The following MRPL50 variants were observed in gnomAD, a reference collection of about 807,000 sequenced individuals.
MRPL50 encodes mitochondrial ribosomal protein L50.
MRPL50 carries 10 observed loss-of-function variants against 16.2 expected under a neutral mutation model. The observed-to-expected ratio is 0.62, with a 90% CI of 0.38 to 1.05. The LOEUF (loss-of-function observed/expected upper bound fraction) is 1.05, where lower values mean the gene tolerates loss of function less well. Among genes scored for constraint, MRPL50 ranks in the 50% least tolerant of loss-of-function variants. The pLI, the probability that MRPL50 is intolerant of heterozygous loss-of-function variation, is 0.01. For missense variants in MRPL50, 213 were observed against 187.1 expected, an observed-to-expected ratio of 1.14 and a Z score of -0.81; for synonymous variants, 68 against 66.8, an observed-to-expected ratio of 1.02 and a Z score of -0.09.
chr9:101,390,297 T>A lies in MRPL50; in HGVS notation c.*169A>T. 7.6e-7 allele frequency: 1 copy of A among 1,322,130 alleles called. No individual in the cohort carries two copies. The highest frequency in any genetic ancestry group is 9.6e-7 in the Non-Finnish European group (1 of 1,036,364). The allele number at this position is 1,322,130 out of a possible 1,614,324, so 81.9% of individuals were successfully genotyped here. A position where few individuals can be genotyped will look rare whatever the true frequency, so the allele number is the denominator to read the frequency against. ...ATGAAAATAGAAAGTCCGTTATTTG[T>A]CCATTTGTAATATGAGAAAAAAAAA... is the stretch of plus-strand genomic sequence containing the variant. On this transcript the variant is annotated 3_prime_UTR_variant, in exon 2 of 2. Coordinates refer to ENST00000374865, the MANE Select transcript of MRPL50 (RefSeq NM_019051.3).
At chr9:101,393,344 T>A (rs1830298272) in intron 1 of MRPL50, among the ~76,000 whole-genome samples, 1 of 152,098 alleles carries the variant, frequency 6.6e-6, no homozygotes, top group Non-Finnish European at 1.5e-5. Context: ...TCACTTGTAT[T>A]CAACACAGAA....
At chr9:101,390,979 G>T in intron 1 of MRPL50, 129 bp from the exon 2 acceptor site, 1 of 1,005,468 alleles carries the variant, frequency 9.9e-7, no homozygotes, top group Non-Finnish European at 1.5e-6. Context: ...GAGTAGGAAA[G>T]AATATGGTAG....
intron 1 of MRPL50, among the ~76,000 whole-genome samples, chr9:101,392,725 T>TA (rs1406942545): frequency 6.6e-6 from 1 of 152,052 alleles, no homozygotes; most frequent in Non-Finnish European, 1.5e-5. Flanking sequence ...TGCCAATCAA[T>TA]ACGAATTCTA....
rs763223183 is a variant in MRPL50 at position 101,398,611 on chromosome 9, G to C, written c.-19C>G. On this transcript the variant is annotated 5_prime_UTR_variant, in exon 1 of 2. Coordinates refer to ENST00000374865, the MANE Select transcript of MRPL50 (RefSeq NM_019051.3). The stretch of plus-strand genomic sequence containing the variant: ...CCGCCATCTTCGATGAGATCCACGG[G>C]CCTGAGCGCAGCCTTCAGCCAGCAG... The C allele has an allele frequency of 6.2e-7, 1 of 1,611,618 alleles. No individual in the cohort carries two copies. Among genetic ancestry groups the C allele is most frequent in the South Asian group, 1.1e-5 (1 of 91,028 alleles).
chr9:101,397,398 A>T (rs902978885), intron 1 of MRPL50, among the ~76,000 whole-genome samples: 45 of 152,284 alleles, frequency 3.0e-4, no homozygotes, highest in African/African-American at 1.1e-3. Context: ...TAAAATTTTT[A>T]AAATAGTAAA....
At chr9:101,394,332 T>C (rs889339465) in intron 1 of MRPL50, among the ~76,000 whole-genome samples, 2 of 152,176 alleles carry the variant, frequency 1.3e-5, no homozygotes, top group Admixed American at 6.5e-5. Context: ...TTGAGATATT[T>C]TGCAGACCCT....
Position 101,390,050 on chromosome 9 carries a change from T to C in MRPL50, c.*416A>G. On this transcript the variant is annotated 3_prime_UTR_variant, in exon 2 of 2. Transcript: ENST00000374865. ...ACAACATACTTTTATGTTTCTTTTA[T>C]AGGTATCTATCTAATAAAAGTTTAT... 1 of 953,252 alleles carries C rather than the reference T, an allele frequency of 1.0e-6. No individual in the cohort carries two copies. Among genetic ancestry groups the C allele is most frequent in the Non-Finnish European group, 1.3e-6 (1 of 799,152 alleles). 59.0% of individuals were successfully genotyped at this position (953,252 alleles called of 1,614,324 possible). A position where few individuals can be genotyped will look rare whatever the true frequency, so the allele number is the denominator to read the frequency against.
intron 1 of MRPL50, among the ~76,000 whole-genome samples, chr9:101,394,768 C>T (rs1265130102): frequency 1.3e-5 from 2 of 151,928 alleles, no homozygotes; most frequent in Non-Finnish European, 2.9e-5. Context: ...ACCTCAAAAG[C>T]ACAGGCAATA....
chr9:101,390,677 A>T lies in MRPL50; in HGVS notation c.266T>A (p.Ile89Asn), dbSNP rs141572487. Residue 89 changes from isoleucine to asparagine, a missense_variant, in exon 2 of 2, where the codon ATC (isoleucine) becomes AAC (asparagine). Coordinates refer to ENST00000374865, the MANE Select transcript of MRPL50 (RefSeq NM_019051.3). ...GSSLPSNWQD[I>N]SLEDSRLKFN... ...CTTTAGACGACTATCTTCCAGGGAG[A>T]TGTCTTGCCAATTACTAGGAAGAGA... 1 of 1,458,958 alleles carries T rather than the reference A, an allele frequency of 6.9e-7. No homozygotes were observed. Among genetic ancestry groups the T allele is most frequent in the African/African-American group, 1.4e-5 (1 of 69,230 alleles). The allele number at this position is 1,458,958 out of a possible 1,614,324, so 90.4% of individuals were successfully genotyped here.
chr9:101,393,268 T>A (rs11792975), intron 1 of MRPL50, among the ~76,000 whole-genome samples: 1 of 151,946 alleles, frequency 6.6e-6, no homozygotes, highest in South Asian at 2.1e-4. Flanking sequence ...GCTAGCATCA[T>A]TGAATGGGAA....
At chr9:101,398,197 C>T (rs1830390191) in intron 1 of MRPL50, among the ~76,000 whole-genome samples, 1 of 152,184 alleles carries the variant, frequency 6.6e-6, no homozygotes. Context: ...TGTTTGCAGA[C>T]AACACACTCG....
rs956072930 is a variant in MRPL50 at position 101,388,395 on chromosome 9, G to T, written c.*2071C>A. Reference sequence around the variant, plus strand: ...TTTCCATCTTGCCCTTTGTTTTTCCGTGTCTCTGGATCAGAAGGAAAAATT... The same window carrying T: ...TTTCCATCTTGCCCTTTGTTTTTCCTTGTCTCTGGATCAGAAGGAAAAATT... On this transcript the variant is annotated 3_prime_UTR_variant, in exon 2 of 2. Coordinates refer to ENST00000374865, the MANE Select transcript of MRPL50 (RefSeq NM_019051.3). 1 of 151,742 alleles carries T rather than the reference G, an allele frequency of 6.6e-6. No individual in the cohort carries two copies. Among genetic ancestry groups the T allele is most frequent in the East Asian group, 1.9e-4 (1 of 5,160 alleles). The allele number at this position is 151,742 out of a possible 1,614,324, so 9.4% of individuals were successfully genotyped here. A position where few individuals can be genotyped will look rare whatever the true frequency, so the allele number is the denominator to read the frequency against.
At position 101,390,679 on chromosome 9, in the gene MRPL50, G is replaced by A. The variant is rs760362319; in HGVS notation, c.264C>T (p.Asp88=). The A allele has an allele frequency of 1.9e-6, 3 of 1,583,298 alleles. No individual in the cohort carries two copies. The highest frequency in any genetic ancestry group is 2.6e-6 in the Non-Finnish European group (3 of 1,161,432). ...TTAGACGACTATCTTCCAGGGAGAT[G>A]TCTTGCCAATTACTAGGAAGAGATG... The part of the protein sequence containing the change: ...FGSSLPSNWQ[D]ISLEDSRLKF... Residue 88 remains aspartate (D), a synonymous_variant, in exon 2 of 2, where the codon GAC becomes GAT. Coordinates refer to ENST00000374865, the MANE Select transcript of MRPL50 (RefSeq NM_019051.3).
At chr9:101,391,431 A>C (rs1383926748) in intron 1 of MRPL50, among the ~76,000 whole-genome samples, 1 of 152,124 alleles carries the variant, frequency 6.6e-6, no homozygotes, top group Non-Finnish European at 1.5e-5. Context: ...AGAGTGTATC[A>C]CATCCTACCT....
At chr9:101,393,100 G>C (rs978371449) in intron 1 of MRPL50, among the ~76,000 whole-genome samples, 3 of 152,036 alleles carry the variant, frequency 2.0e-5, no homozygotes, top group African/African-American at 7.2e-5. Context: ...TCAAGAACAA[G>C]AATCATGTGA....
At chr9:101,395,644 T>C (rs1588149711) in intron 1 of MRPL50, among the ~76,000 whole-genome samples, 2 of 151,906 alleles carry the variant, frequency 1.3e-5, no homozygotes, top group South Asian at 4.2e-4. Context: ...GGACACTCTT[T>C]AGTGAAATAA....
chr9:101,392,292 GAA>G (rs972116114), intron 1 of MRPL50, among the ~76,000 whole-genome samples: 8 of 151,454 alleles, frequency 5.3e-5, no homozygotes, highest in Admixed American at 5.3e-4. Context: ...TAGAAGGAAA[GAA>G]ATAAGATCAG....
chr9:101,397,086 T>C (rs541217996), intron 1 of MRPL50, among the ~76,000 whole-genome samples: 1 of 152,314 alleles, frequency 6.6e-6, no homozygotes, highest in Admixed American at 6.5e-5. Context: ...ATGTACACCA[T>C]GGTGACGATC....
At chr9:101,394,776 A>G (rs1267056027) in intron 1 of MRPL50, among the ~76,000 whole-genome samples, 1 of 152,156 alleles carries the variant, frequency 6.6e-6, no homozygotes, top group Non-Finnish European at 1.5e-5. Context: ...AGCACAGGCA[A>G]TAAGAACAAA....
Sources: allele counts gnomAD v4.1 joint callset (sites outside exome capture counted in the v4.1 genomes callset), GRCh38; gene constraint gnomAD v4.1.1; transcripts MANE v1.5; gene names NCBI Gene and HGNC (gene_info 2026-07-23, HGNC 2026-07-21).